The following RFX7 variants were observed in gnomAD, a reference collection of about 807,000 sequenced individuals.
RFX7 encodes regulatory factor X7, also known as DNA-binding protein RFX7.
Under a neutral mutation model 111.8 loss-of-function variants are expected in RFX7, and 26 were observed. The ratio of observed to expected loss-of-function variants is 0.23; its 90% CI spans 0.17 to 0.32. The LOEUF is 0.32. Among genes scored for constraint, RFX7 ranks in the 10% least tolerant of loss-of-function variants. RFX7 has a pLI of 1.00. For synonymous variants in RFX7, 624 were observed against 624.4 expected (o/e 1.00, Z 0.01); for missense variants, 1,573 against 1,772.9 (o/e 0.89, Z 2.02).
chr15:56,125,846 A>G (rs1429570724), intron 5 of RFX7, among the ~76,000 whole-genome samples: 1 of 152,188 alleles, frequency 6.6e-6, no homozygotes, highest in Non-Finnish European at 1.5e-5. Context: ...TTATATACAT[A>G]TAGCTACTTT....
At chr15:56,157,949 T>C (rs1397097962) in intron 3 of RFX7, among the ~76,000 whole-genome samples, 1 of 152,222 alleles carries the variant, frequency 6.6e-6, no homozygotes, top group Non-Finnish European at 1.5e-5. Flanking sequence ...ACTTATGTCA[T>C]AGAGACTTCT....
intron 5 of RFX7, among the ~76,000 whole-genome samples, chr15:56,129,375 CAA>C (rs144104993): frequency 1.9e-4 from 18 of 92,856 alleles, no homozygotes; most frequent in East Asian, 2.9e-4. Flanking sequence ...GACTCCCCCT[CAA>C]AAAAAAAAAA....
intron 5 of RFX7, among the ~76,000 whole-genome samples, chr15:56,134,767 G>A (rs1476658840): frequency 2.6e-5 from 4 of 151,018 alleles, no homozygotes; most frequent in Non-Finnish European, 4.4e-5. Context: ...TATCCCTACC[G>A]CCCTCCCCAA....
chr15:56,102,101 AG>A, intron 7 of RFX7, 67 bp downstream of exon 7: 1 of 1,135,836 alleles, frequency 8.8e-7, no homozygotes, highest in Non-Finnish European at 1.3e-6. Context: ...GAGACTTTGC[AG>A]GATGCATTTC....
At chr15:56,115,153 G>T (rs1292909078) in intron 5 of RFX7, among the ~76,000 whole-genome samples, 1 of 152,188 alleles carries the variant, frequency 6.6e-6, no homozygotes, top group South Asian at 2.1e-4. Flanking sequence ...GGGATTATAA[G>T]CGCCCACCAC....
At chr15:56,205,517 T>G (rs574957461) in intron 2 of RFX7, among the ~76,000 whole-genome samples, 1 of 152,242 alleles carries the variant, frequency 6.6e-6, no homozygotes, top group Non-Finnish European at 1.5e-5. Context: ...ACTCTCATTA[T>G]GTTGACACAA....
intron 3 of RFX7, among the ~76,000 whole-genome samples, chr15:56,177,380 T>G (rs889109399): frequency 6.6e-6 from 1 of 152,178 alleles, no homozygotes; most frequent in Non-Finnish European, 1.5e-5. Flanking sequence ...TTGTAATGCT[T>G]AATTATTTAG....
intron 9 of RFX7, among the ~76,000 whole-genome samples, chr15:56,097,771 A>AAAAAAAAAAAAC (rs1567005692): frequency 9.4e-5 from 14 of 149,394 alleles, no homozygotes; most frequent in South Asian, 2.1e-4. Flanking sequence ...AAAAAAAAAA[A>AAAAAAAAAAAAC]TCTTGGCTCA....
In RFX7 at chr15:56,094,104, T is replaced by G. The variant is rs751450560; in HGVS notation, c.3624A>C (p.Thr1208=). 9 of 1,613,894 alleles carry G rather than the reference T, an allele frequency of 5.6e-6. No homozygotes were observed. Among genetic ancestry groups the G allele is most frequent in the Non-Finnish European group, 7.6e-6 (9 of 1,179,898 alleles). The change falls in exon 10 of 10, where the codon ACA becomes ACC. Residue 1208 remains threonine (T), a synonymous_variant. Coordinates refer to ENST00000559447, the MANE Select transcript of RFX7 (RefSeq NM_022841.7). Reference sequence around the variant, plus strand: ...TGGCACATGCGTCTGTGTGAACATTTGTGAAAACATGAACTTCTGGGGTAA... The same window carrying G: ...TGGCACATGCGTCTGTGTGAACATTGGTGAAAACATGAACTTCTGGGGTAA... ...SPVTPEVHVF[T]NVHTDACANN... is the part of the protein sequence containing the mutation.
intron 5 of RFX7, among the ~76,000 whole-genome samples, chr15:56,134,673 G>C (rs1438234152): frequency 7.2e-6 from 1 of 139,836 alleles, no homozygotes; most frequent in Non-Finnish European, 1.5e-5. Flanking sequence ...CATTGTGCAG[G>C]TTACTTACAT....
rs750812238 is a variant in RFX7 at position 56,093,664 on chromosome 15, C to T, written c.4064G>A (p.Ser1355Asn). ...DFNSTVKDLL[S>N]GDSLQTNQQL... ...CTGGTTGGTTTGCAAGCTGTCTCCA[C>T]TCAACAGGTCTTTAACAGTGCTATT... Residue 1355 changes from serine to asparagine, a missense_variant, in exon 10 of 10, where the codon AGT becomes AAT. Physicochemically the swap from Ser to Asn is conservative, Grantham distance 46. Around this residue, in one of 7 missense-constraint regions of RFX7, gnomAD observed 411 missense variants for 478.1 expected, o/e 0.86. Transcript: ENST00000559447. The T allele has an allele frequency of 8.1e-6, 13 of 1,613,774 alleles. No individual in the cohort carries two copies. Among genetic ancestry groups the T allele is most frequent in the Admixed American group, 5.0e-5 (3 of 59,984 alleles).
intron 3 of RFX7, among the ~76,000 whole-genome samples, chr15:56,175,925 G>A (rs187519637): frequency 6.6e-6 from 1 of 152,208 alleles, no homozygotes; most frequent in Admixed American, 6.5e-5. Context: ...CAACATATTG[G>A]GAAGTGTTTA....
At chr15:56,180,536 TA>T (rs1430226588) in intron 2 of RFX7, among the ~76,000 whole-genome samples, 1 of 152,042 alleles carries the variant, frequency 6.6e-6, no homozygotes, top group Non-Finnish European at 1.5e-5. Context: ...GATGTGAGAG[TA>T]ATCTACATAT....
intron 2 of RFX7, among the ~76,000 whole-genome samples, chr15:56,202,644 AAAAAT>A (rs1212794647): frequency 6.6e-6 from 1 of 151,580 alleles, no homozygotes; most frequent in Non-Finnish European, 1.5e-5. Context: ...CCTCTACAAA[AAAAAT>A]AAAATAAAAT....
At chr15:56,116,178 T>A (rs2042006710) in intron 5 of RFX7, among the ~76,000 whole-genome samples, 2 of 152,114 alleles carry the variant, frequency 1.3e-5, no homozygotes, top group Admixed American at 1.3e-4. Context: ...TAAATTCAAA[T>A]TTTCACAAGG....
rs146631841 is a variant in RFX7 at position 56,183,045 on chromosome 15, T to C, written c.162-3742A>G. ...ATACATATATACTAAAAAGTTACTA[T>C]TCCAATGGGCATGAAATTGTATTTT... On this transcript the variant is annotated intron_variant, in intron 2 of 9. Transcript: ENST00000559447. Among the ~76,000 whole-genome samples, 87 of 152,252 alleles carry C rather than the reference T, an allele frequency of 5.7e-4. 1 individual carries two copies. In the East Asian group the frequency reaches 0.015, roughly 27 times the overall value.
intron 2 of RFX7, 149 bp downstream of exon 2, chr15:56,242,976 A>G (rs2460649): frequency 0.62 from 331,709 of 538,796 alleles, 104,705 homozygotes; most frequent in East Asian, 0.86. Context: ...ACCTCCAGAG[A>G]TCCTACAAAT....
At position 56,095,345 on chromosome 15, in the gene RFX7, T is replaced by C. The variant is rs765155280; in HGVS notation, c.2383A>G (p.Ser795Gly). The C allele has an allele frequency of 6.2e-7, 1 of 1,613,838 alleles. No homozygotes were observed. The highest frequency in any genetic ancestry group is 8.5e-7 in the Non-Finnish European group (1 of 1,179,752). Residue 795 changes from serine (S) to glycine (G), a missense_variant, in exon 10 of 10, where the codon AGT becomes GGT. This residue lies in a region of RFX7 where 625 missense variants were observed against 632.2 expected (regional missense o/e 0.99). Coordinates refer to ENST00000559447, the MANE Select transcript of RFX7 (RefSeq NM_022841.7). Reference sequence around the variant, plus strand: ...CTGATATCTTGCTGTTGTTCACAACTGGCAGATATAAACTCAGAATCTTTA... The same window carrying C: ...CTGATATCTTGCTGTTGTTCACAACCGGCAGATATAAACTCAGAATCTTTA... ...ITKDSEFISASCEQQQDISVM... is the reference protein window; with the variant it reads ...ITKDSEFISAGCEQQQDISVM...
intron 5 of RFX7, among the ~76,000 whole-genome samples, chr15:56,120,983 T>A (rs1405000431): frequency 6.6e-6 from 1 of 152,214 alleles, no homozygotes; most frequent in Non-Finnish European, 1.5e-5. Context: ...TGTTTTTGAT[T>A]AGTTCATCTA....
Sources: gnomAD v4.1 joint callset for allele counts (sites outside exome capture counted in the v4.1 genomes callset) on GRCh38, gnomAD v4.1.1 for gene constraint, gnomAD v4.1.1 regional missense constraint, MANE v1.5 for transcripts, NCBI Gene and HGNC (gene_info 2026-07-23, HGNC 2026-07-21) for gene names.